Variants in GLB1 observed in about 807,000 individuals in gnomAD.
GLB1 encodes galactosidase beta 1, also known as beta-galactosidase.
A neutral mutation model predicts 74.0 loss-of-function variants in GLB1; 56 were observed. That is an observed-to-expected ratio of 0.76 (90% CI 0.61 to 0.94). GLB1 has a LOEUF of 0.94. GLB1 is among the 40% of genes least tolerant of loss of function. GLB1 has a pLI of 0.00. For missense variants in GLB1, 787 were observed against 845.5 expected (o/e 0.93, Z 0.86); for synonymous variants, 323 against 323.6 (o/e 1.00, Z 0.02).
chr3:32,991,834 A>G (rs1459013414), downstream of GLB1, among the ~76,000 whole-genome samples: 1 of 152,244 alleles, frequency 6.6e-6, no homozygotes, highest in East Asian at 1.9e-4. Flanking sequence ...CCAACGTCAC[A>G]GAACAAAGAC....
At chr3:32,972,324 A>G in the GLB1 span, among the ~76,000 whole-genome samples, 2 of 152,194 alleles carry the variant, frequency 1.3e-5, no homozygotes, top group Non-Finnish European at 2.9e-5. Flanking sequence ...AAGGAGGAGT[A>G]TGTGGAAAAT....
intron 11 of GLB1, among the ~76,000 whole-genome samples, chr3:33,022,498 G>C (rs534800881): frequency 4.7e-4 from 70 of 149,524 alleles, no homozygotes; most frequent in Non-Finnish European, 9.6e-4. Flanking sequence ...TAATGACAGA[G>C]CCAGGATTTG....
the GLB1 span, among the ~76,000 whole-genome samples, chr3:32,981,412 A>AG: frequency 9.5e-5 from 14 of 146,604 alleles, no homozygotes; most frequent in Admixed American, 2.7e-4. Context: ...AAAAAAAAAA[A>AG]AAAAGAAAAA....
chr3:33,087,595 ACACAC>A (rs1700569122), intron 1 of GLB1, among the ~76,000 whole-genome samples: 1 of 143,218 alleles, frequency 7.0e-6, no homozygotes, highest in Non-Finnish European at 1.5e-5. Context: ...ACACACACAC[ACACAC>A]ACACACACAC....
At chr3:33,030,495 C>T (rs1559390519) in intron 10 of GLB1, 1 of 985,190 alleles carries the variant, frequency 1.0e-6, no homozygotes, top group Non-Finnish European at 1.2e-6. Flanking sequence ...CACTGGTTTT[C>T]ACCAGCACTA....
At chr3:33,029,394 C>T (rs1697912446) in intron 10 of GLB1, among the ~76,000 whole-genome samples, 1 of 152,148 alleles carries the variant, frequency 6.6e-6, no homozygotes, top group Non-Finnish European at 1.5e-5. Context: ...ATACATTCAT[C>T]CAACAAACTC....
At chr3:33,091,686 A>G in intron 1 of GLB1, 2 of 985,298 alleles carry the variant, frequency 2.0e-6, no homozygotes, top group Non-Finnish European at 2.4e-6. Context: ...AGGCTGAGTG[A>G]GGGAAAGTCA....
intron 12 of GLB1, among the ~76,000 whole-genome samples, chr3:33,019,835 C>G (rs1041525587): frequency 6.6e-6 from 1 of 152,150 alleles, no homozygotes; most frequent in African/African-American, 2.4e-5. Context: ...CCTGCAGAGA[C>G]AGTAGGCTGA....
chr3:33,042,659 G>A (rs1038616361), intron 10 of GLB1, among the ~76,000 whole-genome samples: 4 of 152,126 alleles, frequency 2.6e-5, no homozygotes, highest in African/African-American at 7.2e-5. Context: ...GAGCCACCGC[G>A]CACAGCCTCT....
rs138879806 is a variant in GLB1 at position 33,052,129 on chromosome 3, C to T, written c.793-125G>A. Reference sequence around the variant, plus strand: ...TGACATGCTGACATGCACTGCTTAACCCAGAGACGCCCCCCAGTGAGCACT... The same window carrying T: ...TGACATGCTGACATGCACTGCTTAATCCAGAGACGCCCCCCAGTGAGCACT... On this transcript the variant is annotated intron_variant, in intron 7 of 15. Transcript: ENST00000307363. The T allele has an allele frequency of 1.2e-3, 1,803 of 1,535,948 alleles. 3 individuals carry two copies. The highest frequency in any genetic ancestry group is 1.0e-2 in the African/African-American group (731 of 73,144).
At chr3:32,966,216 A>T in the GLB1 span, among the ~76,000 whole-genome samples, 6 of 152,190 alleles carry the variant, frequency 3.9e-5, no homozygotes, top group Middle Eastern at 3.2e-3. Context: ...AGCCCGTTAA[A>T]CCAGCTGGGA....
intron 10 of GLB1, among the ~76,000 whole-genome samples, chr3:33,032,262 C>T (rs937753213): frequency 1.2e-4 from 19 of 152,182 alleles, no homozygotes; most frequent in Non-Finnish European, 2.2e-4. Context: ...TTGCACTGAT[C>T]GCCCCAGAAT....
intron 14 of GLB1, 132 bp from the exon 15 acceptor site, chr3:33,014,442 G>T: frequency 7.3e-7 from 1 of 1,361,974 alleles, no homozygotes; most frequent in Non-Finnish European, 1.0e-6. Flanking sequence ...CTCGAAATAT[G>T]TGTACATCGA....
At chr3:33,040,692 G>C (rs967766131) in intron 10 of GLB1, among the ~76,000 whole-genome samples, 1 of 151,984 alleles carries the variant, frequency 6.6e-6, no homozygotes, top group Non-Finnish European at 1.5e-5. Flanking sequence ...GCAGAAACAA[G>C]ACACCATGAA....
intron 2 of GLB1, 47 bp downstream of exon 2, chr3:33,072,497 G>A (rs1210041553): frequency 3.1e-6 from 5 of 1,611,658 alleles, no homozygotes; most frequent in Non-Finnish European, 4.2e-6. Context: ...CTTCTCTCCA[G>A]AGTGGGTGTT....
chr3:33,019,531 T>C (rs1045806745), intron 12 of GLB1, among the ~76,000 whole-genome samples: 7 of 152,000 alleles, frequency 4.6e-5, no homozygotes, highest in African/African-American at 1.5e-4. Flanking sequence ...TTCAGGCAAG[T>C]GGAAAGGTGA....
At chr3:33,092,809 C>G (rs756708185) in intron 1 of GLB1, 1 of 1,566,454 alleles carries the variant, frequency 6.4e-7, no homozygotes, top group Admixed American at 1.8e-5. Flanking sequence ...AAGGGCAGGG[C>G]AGAGGTGCAC....
chr3:33,001,219 T>TTC (rs1283457165), intron 15 of GLB1, among the ~76,000 whole-genome samples: 4 of 145,794 alleles, frequency 2.7e-5, no homozygotes, highest in Admixed American at 1.4e-4. Context: ...GTCTTCTCTC[T>TTC]TCTCTCTCTC....
the GLB1 span, among the ~76,000 whole-genome samples, chr3:32,974,714 G>C: frequency 6.6e-6 from 1 of 152,146 alleles, no homozygotes; most frequent in Admixed American, 6.5e-5. Context: ...TCCATTAAGA[G>C]TCTGAAGGCA....
Sources: allele counts gnomAD v4.1 joint callset (sites outside exome capture counted in the v4.1 genomes callset), GRCh38; gene constraint gnomAD v4.1.1; transcripts MANE v1.5; gene names NCBI Gene and HGNC (gene_info 2026-07-23, HGNC 2026-07-21).